Variants in CFAP221 observed in about 807,000 individuals in gnomAD.
CFAP221 encodes cilia and flagella associated protein 221.
A neutral mutation model predicts 113.1 loss-of-function variants in CFAP221; 97 were observed. The ratio of observed to expected loss-of-function variants is 0.86; its 90% CI spans 0.73 to 1.02. The LOEUF (loss-of-function observed/expected upper bound fraction) is 1.02. Ranked by LOEUF, CFAP221 falls within the 50% of genes least tolerant of loss-of-function variation. The pLI is 0.00. For missense variants in CFAP221, 1,025 were observed against 1,013.4 expected, an observed-to-expected ratio of 1.01 and a Z score of -0.16; for synonymous variants, 331 against 354.4, an observed-to-expected ratio of 0.93 and a Z score of 0.74.
At chr2:119,628,294 G>GGGGGGT (rs1553491014) in intron 16 of CFAP221, among the ~76,000 whole-genome samples, 5 of 137,488 alleles carry the variant, frequency 3.6e-5, no homozygotes, top group African/African-American at 8.3e-5. Context: ...CTCTCTGGGG[G>GGGGGGT]GTGTGTGTGT....
chr2:119,597,668 AAGCGTACTC>A (rs1022920205), intron 7 of CFAP221, among the ~76,000 whole-genome samples: 28 of 152,278 alleles, frequency 1.8e-4, no homozygotes, highest in African/African-American at 6.7e-4. Context: ...CGAAAAACGA[AAGCGTACTC>A]CACAGGGTGG....
chr2:119,574,444 C>T (rs764081456), intron 6 of CFAP221, among the ~76,000 whole-genome samples: 13 of 152,248 alleles, frequency 8.5e-5, no homozygotes, highest in South Asian at 2.1e-4. Flanking sequence ...TGAATTCCCA[C>T]GAATATTTAA....
chr2:119,566,954 C>T (rs1317693245), intron 6 of CFAP221, among the ~76,000 whole-genome samples: 1 of 152,044 alleles, frequency 6.6e-6, no homozygotes, highest in Non-Finnish European at 1.5e-5. Context: ...ATAATAGGGC[C>T]TGGAGATTTT....
intron 21 of CFAP221, among the ~76,000 whole-genome samples, chr2:119,640,665 T>C (rs114626433): frequency 0.015 from 2,284 of 152,238 alleles, 55 homozygotes; most frequent in African/African-American, 0.052. Flanking sequence ...AATCCTCTGA[T>C]CCAGAATGAG....
At chr2:119,639,034 T>G (rs971427823) in intron 20 of CFAP221, among the ~76,000 whole-genome samples, 2 of 152,042 alleles carry the variant, frequency 1.3e-5, no homozygotes, top group Non-Finnish European at 2.9e-5. Context: ...CATGAGATCC[T>G]TTCCCTCCTT....
chr2:119,647,739 T>C (rs982551150), intron 22 of CFAP221, among the ~76,000 whole-genome samples: 3 of 152,186 alleles, frequency 2.0e-5, no homozygotes, highest in Non-Finnish European at 4.4e-5. Context: ...CACCACATAA[T>C]TTCAGGGAGA....
chr2:119,619,419 C>T (rs1685745585), intron 14 of CFAP221, among the ~76,000 whole-genome samples: 1 of 152,214 alleles, frequency 6.6e-6, no homozygotes, highest in South Asian at 2.1e-4. Context: ...TGTTCTGCAG[C>T]CTCTGCTGGT....
intron 13 of CFAP221, among the ~76,000 whole-genome samples, chr2:119,612,057 C>A (rs971164317): frequency 5.9e-5 from 9 of 152,144 alleles, no homozygotes; most frequent in South Asian, 4.1e-4. Flanking sequence ...AGGTGGGTCC[C>A]TTGGCCTCTA....
chr2:119,598,489 C>T (rs1684145046), intron 7 of CFAP221, among the ~76,000 whole-genome samples: 1 of 152,196 alleles, frequency 6.6e-6, no homozygotes, highest in Non-Finnish European at 1.5e-5. Context: ...TTTGTCTCTG[C>T]TCACCACCCT....
At chr2:119,620,025 A>G (rs1325447011) in intron 14 of CFAP221, among the ~76,000 whole-genome samples, 1 of 152,210 alleles carries the variant, frequency 6.6e-6, no homozygotes, top group Non-Finnish European at 1.5e-5. Context: ...ATAAAGCGTG[A>G]AGACAAGATT....
rs375544079 is a variant in CFAP221 at position 119,653,157 on chromosome 2, G to A, written c.2414+1088G>A. On this transcript the variant is annotated intron_variant, in intron 23 of 23. Coordinates refer to ENST00000413369, the MANE Select transcript of CFAP221 (RefSeq NM_001271049.2). ...GCGCTTTGGGAGGCTGGGGCGGGTG[G>A]ATCACCTGAGGTCAGCAGTTAGAGA... 1.1e-4 allele frequency among the ~76,000 whole-genome samples: 17 copies of A among 151,630 alleles called. No individual in the cohort carries two copies. The East Asian group carries it at 2.3e-3, about 21-fold the overall frequency.
intron 19 of CFAP221, chr2:119,637,997 C>T: frequency 1.0e-5 from 3 of 298,414 alleles, no homozygotes; most frequent in Non-Finnish European, 1.2e-5. Flanking sequence ...TACTTATTTT[C>T]ATGGGAGTTT....
chr2:119,638,107 G>A (rs1426645294), intron 19 of CFAP221, 152 bp from the exon 20 acceptor site: 7 of 658,190 alleles, frequency 1.1e-5, no homozygotes, highest in African/African-American at 1.8e-5. Flanking sequence ...AGACACCTCT[G>A]CTCTCCTGCT....
Position 119,544,461 on chromosome 2 carries a change from G to GGGCGCC in CFAP221, c.-91_-86dup, listed in dbSNP as rs565397557. On this transcript the variant is annotated 5_prime_UTR_variant, in exon 1 of 24. Coordinates refer to ENST00000413369, the MANE Select transcript of CFAP221 (RefSeq NM_001271049.2). The stretch of plus-strand genomic sequence containing the variant: ...GCGTCGTCATGGCGACGCTCCGAGC[G>GGGCGCC]GGCGCCGGCGCTGGCGCCGGCCGAA... 2 of 151,842 alleles carry GGGCGCC rather than the reference G, an allele frequency of 1.3e-5. No individual in the cohort carries two copies. The highest frequency in any genetic ancestry group is 4.8e-5 in the African/African-American group (2 of 41,400). The allele number at this position is 151,842 out of a possible 1,614,324, so 9.4% of individuals were successfully genotyped here.
chr2:119,576,675 A>G (rs1429527387), intron 6 of CFAP221, among the ~76,000 whole-genome samples: 1 of 152,190 alleles, frequency 6.6e-6, no homozygotes, highest in East Asian at 1.9e-4. Flanking sequence ...TGAGGCTCCA[A>G]TCCCAGTGAG....
At chr2:119,562,431 C>G (rs1357354982) in intron 6 of CFAP221, among the ~76,000 whole-genome samples, 1 of 152,128 alleles carries the variant, frequency 6.6e-6, no homozygotes, top group Admixed American at 6.6e-5. Context: ...CTTAGTTCCA[C>G]CATCTTGCGC....
At chr2:119,618,329 G>A (rs1685665592) in intron 14 of CFAP221, among the ~76,000 whole-genome samples, 1 of 152,196 alleles carries the variant, frequency 6.6e-6, no homozygotes, top group South Asian at 2.1e-4. Context: ...CCTGTCTGCA[G>A]CTCCCAGTGA....
intron 6 of CFAP221, among the ~76,000 whole-genome samples, chr2:119,569,894 CT>C (rs1189878132): frequency 2.6e-5 from 4 of 152,098 alleles, no homozygotes; most frequent in Non-Finnish European, 5.9e-5. Flanking sequence ...CCCATTTTTT[CT>C]TGCATGCTGT....
At chr2:119,610,488 A>G (rs1685074205) in intron 12 of CFAP221, among the ~76,000 whole-genome samples, 1 of 152,130 alleles carries the variant, frequency 6.6e-6, no homozygotes, top group South Asian at 2.1e-4. Flanking sequence ...TAAAGATATA[A>G]TAAATCTCCC....
Sources: gnomAD v4.1 joint callset for allele counts (sites outside exome capture counted in the v4.1 genomes callset) on GRCh38, gnomAD v4.1.1 for gene constraint, MANE v1.5 for transcripts, NCBI Gene and HGNC (gene_info 2026-07-23, HGNC 2026-07-21) for gene names.